PREB: variants seen among roughly 807,000 people sequenced by gnomAD.
PREB encodes guanine nucleotide-exchange factor SEC12.
Under a neutral mutation model 46.7 loss-of-function variants are expected in PREB, and 29 were observed. The ratio of observed to expected loss-of-function variants is 0.62; its 90% confidence interval spans 0.46 to 0.85. The LOEUF is 0.85. PREB is among the 40% of genes least tolerant of loss of function. The pLI, the probability that PREB is intolerant of heterozygous loss-of-function variation, is 0.00. For synonymous variants in PREB, 224 were observed against 220.1 expected (o/e 1.02, Z -0.16); for missense variants, 494 against 528.4 (o/e 0.93, Z 0.64).
In PREB at chr2:27,130,950, T is replaced by C; in HGVS notation, c.*464A>G. Reference sequence around the variant, plus strand: ...CCCAAGTCTTCCTTTTGCCCCTTCCTGCCCTAACAGCAAGTACCAGGCCAG... The same window carrying C: ...CCCAAGTCTTCCTTTTGCCCCTTCCCGCCCTAACAGCAAGTACCAGGCCAG... On this transcript the variant is annotated 3_prime_UTR_variant, in exon 9 of 9. Transcript: ENST00000260643. 1.6e-6 allele frequency: 1 copy of C among 628,626 alleles called. No homozygotes were observed. The highest frequency in any genetic ancestry group is 2.8e-5 in the East Asian group (1 of 35,700). 38.9% of individuals were successfully genotyped at this position (628,626 alleles called of 1,614,324 possible).
Position 27,134,505 on chromosome 2 carries a change from T to C in PREB, c.-84A>G. ...CTTCGACTACTGCCCCGGCGGCTGGTGAACTCGGCCCCGTCGCCGCCGGGA... is the reference window on the plus strand; with the variant it reads ...CTTCGACTACTGCCCCGGCGGCTGGCGAACTCGGCCCCGTCGCCGCCGGGA... On this transcript the variant is annotated 5_prime_UTR_variant, in exon 1 of 9. Transcript: ENST00000260643. The C allele has an allele frequency of 7.2e-7, 1 of 1,394,226 alleles. No homozygotes were observed. Among genetic ancestry groups the C allele is most frequent in the Non-Finnish European group, 9.2e-7 (1 of 1,083,404 alleles). 86.4% of individuals were successfully genotyped at this position (1,394,226 alleles called of 1,614,324 possible).
At position 27,133,520 on chromosome 2, in the gene PREB, G is replaced by A. The variant is rs1169152595; in HGVS notation, c.325+12C>T. 2 of 1,611,672 alleles carry A rather than the reference G, an allele frequency of 1.2e-6. No individual in the cohort carries two copies. Among genetic ancestry groups the A allele is most frequent in the East Asian group, 4.5e-5 (2 of 44,858 alleles). Reference sequence around the variant, plus strand: ...ACCCTTTCCCCAAGGGGGTAGAGAGGGAGCTCCTCACCGGCCTTCTCTGCC... The same window carrying A: ...ACCCTTTCCCCAAGGGGGTAGAGAGAGAGCTCCTCACCGGCCTTCTCTGCC... On this transcript the variant is annotated intron_variant, in intron 2 of 8. Coordinates refer to ENST00000260643, the MANE Select transcript of PREB (RefSeq NM_013388.6).
chr2:27,131,418 A>G lies in PREB; in HGVS notation c.1250T>C (p.Leu417Pro). The G allele has an allele frequency of 6.4e-7, 1 of 1,555,120 alleles. No individual in the cohort carries two copies. Among genetic ancestry groups the G allele is most frequent in the Non-Finnish European group, 8.7e-7 (1 of 1,148,462 alleles). Reference protein sequence around the residue: ...LLLQSAFPGFL With the variant: ...LLLQSAFPGFP Reference sequence around the variant, plus strand: ...GATTCCCAGGAAGCAGGGAAGCTAAAGGAAACCTGGAAAGGCACTCTGGAG... The same window carrying G: ...GATTCCCAGGAAGCAGGGAAGCTAAGGGAAACCTGGAAAGGCACTCTGGAG... Residue 417 changes from leucine to proline, a missense_variant, in exon 9 of 9, where the codon CTT (leucine) becomes CCT (proline). By Grantham distance (98) the Leu-to-Pro change is moderately conservative. Transcript: ENST00000260643.
In PREB at chr2:27,132,808, C is replaced by T. The variant is rs201190030; in HGVS notation, c.627+35G>A. The T allele has an allele frequency of 3.3e-5, 53 of 1,609,544 alleles. No homozygotes were observed. The East Asian group carries it at 6.9e-4, about 21-fold the overall frequency. On this transcript the variant is annotated intron_variant, in intron 4 of 8. Transcript: ENST00000260643. This position sits in a 1 kb window ranked among gnomAD's most constrained non-coding sequence, Gnocchi z 4.0. The stretch of plus-strand genomic sequence containing the variant: ...AAGCAGCATAAGCACCTCCTCTCTC[C>T]TTTCTCCATCCTCCTCCCACCCCCA...
In PREB at chr2:27,132,116, A is replaced by G. The variant is rs922072459; in HGVS notation, c.927-34T>C. On this transcript the variant is annotated intron_variant, in intron 6 of 8. Coordinates refer to ENST00000260643, the MANE Select transcript of PREB (RefSeq NM_013388.6). This position sits in a 1 kb window ranked among gnomAD's most constrained non-coding sequence, Gnocchi z 4.0. Reference sequence around the variant, plus strand: ...AACAATAAAGAGCTCATTGTCCTGGAGGCTTGTGCAGCAACCCTCATACCC... The same window carrying G: ...AACAATAAAGAGCTCATTGTCCTGGGGGCTTGTGCAGCAACCCTCATACCC... The G allele has an allele frequency of 3.1e-6, 5 of 1,611,618 alleles. No homozygotes were observed. The highest frequency in any genetic ancestry group is 1.7e-5 in the Admixed American group (1 of 59,996).
chr2:27,134,004 G>A, intron 1 of PREB: 1 of 607,730 alleles, frequency 1.6e-6, no homozygotes, highest in Non-Finnish European at 2.8e-6. Context: ...AAGACCTCCC[G>A]GAAAAGGCCA....
Position 27,134,174 on chromosome 2 carries a change from A to T in PREB, c.135+113T>A, listed in dbSNP as rs976299060. Reference sequence around the variant, plus strand: ...CGTCAGGCAAGCGGGTCTTCCCAACAGAAGTGGGCAGGGCCCGAAGCTGGA... The same window carrying T: ...CGTCAGGCAAGCGGGTCTTCCCAACTGAAGTGGGCAGGGCCCGAAGCTGGA... On this transcript the variant is annotated intron_variant, in intron 1 of 8. Coordinates refer to ENST00000260643, the MANE Select transcript of PREB (RefSeq NM_013388.6). The T allele has an allele frequency of 2.3e-6, 3 of 1,331,654 alleles. No individual in the cohort carries two copies. In the South Asian group the frequency reaches 4.6e-5, roughly 21 times the overall value. 82.5% of individuals were successfully genotyped at this position (1,331,654 alleles called of 1,614,324 possible).
chr2:27,133,098 T>TA lies in PREB; in HGVS notation c.546+18dup. ...TGTTGCTACTGACATTCACCCTCCC[T>TA]AACCCTGCAAACCCACACCTTCCAG... is the stretch of plus-strand genomic sequence containing the variant. On this transcript the variant is annotated intron_variant, in intron 3 of 8. Transcript: ENST00000260643. 3.1e-6 allele frequency: 5 copies of TA among 1,612,604 alleles called. No homozygotes were observed. The highest frequency in any genetic ancestry group is 4.2e-6 in the Non-Finnish European group (5 of 1,178,648).
chr2:27,131,194 C>T lies in PREB; in HGVS notation c.*220G>A. The stretch of plus-strand genomic sequence containing the variant: ...GGCCTGGGCTTCAGATACCGCTGTT[C>T]TGGATGGATCCACAGATGACGAAGG... On this transcript the variant is annotated 3_prime_UTR_variant, in exon 9 of 9. Coordinates refer to ENST00000260643, the MANE Select transcript of PREB (RefSeq NM_013388.6). 1 of 594,374 alleles carries T rather than the reference C, an allele frequency of 1.7e-6. No individual in the cohort carries two copies. Among genetic ancestry groups the T allele is most frequent in the Non-Finnish European group, 3.0e-6 (1 of 335,396 alleles). 36.8% of individuals were successfully genotyped at this position (594,374 alleles called of 1,614,324 possible).
Position 27,132,874 on chromosome 2 carries a change from A to G in PREB, c.596T>C (p.Ile199Thr), listed in dbSNP as rs1417382756. 5.6e-6 allele frequency: 9 copies of G among 1,613,964 alleles called. No individual in the cohort carries two copies. Among genetic ancestry groups the G allele is most frequent in the Non-Finnish European group, 7.6e-6 (9 of 1,180,014 alleles). The change falls in exon 4 of 9, where the codon ATT becomes ACT. Residue 199 changes from isoleucine to threonine, a missense_variant. Transcript: ENST00000260643. The surrounding 1 kb of genome is among the most constrained non-coding windows in gnomAD (Gnocchi z 4.0). ...VLEFKAHEGE[I>T]EDLALGPDGK... ...ATCAGGCCCTAAAGCCAGGTCTTCA[A>G]TCTCCCCTTCGTGGGCTTTGAACTC... is the stretch of plus-strand genomic sequence containing the variant.
At position 27,133,572 on chromosome 2, in the gene PREB, GA is replaced by G. The variant is rs1276160583; in HGVS notation, c.284del (p.Phe95SerfsTer43). ...TGTTGCCCTGCTGTTGATGTGCCTG[GA>G]AGCGCAGGAGCTGACAGTGGGCATC... ...GQDAHCQLLR[F>X]QAHQQQGNKA... On this transcript the variant is annotated frameshift_variant, in exon 2 of 9. Coordinates refer to ENST00000260643, the MANE Select transcript of PREB (RefSeq NM_013388.6). LOFTEE classifies it high-confidence loss of function. The G allele has an allele frequency of 6.2e-7, 1 of 1,614,126 alleles. No individual in the cohort carries two copies.
In PREB at chr2:27,132,619, G is replaced by A. The variant is rs111330078; in HGVS notation, c.736C>T (p.Arg246Cys). The A allele has an allele frequency of 1.4e-3, 2,228 of 1,614,042 alleles. 2 individuals carry two copies. Among genetic ancestry groups the A allele is most frequent in the Non-Finnish European group, 1.5e-3 (1,810 of 1,180,000 alleles). ...TCTTCACACCTGCAGGCCTGGTAGC[G>A]GTAAGGTGTGCTGGAAAAGGTGGGT... is the stretch of plus-strand genomic sequence containing the variant. The part of the protein sequence containing the change: ...NGPTFSSTPY[R>C]YQACRFGQVP... Residue 246 changes from arginine to cysteine, a missense_variant, in exon 5 of 9, where the codon CGC becomes TGC. Transcript: ENST00000260643. The surrounding 1 kb of genome is among the most constrained non-coding windows in gnomAD (Gnocchi z 4.0).
At position 27,134,451 on chromosome 2, in the gene PREB, C is replaced by A; in HGVS notation, c.-30G>T. On this transcript the variant is annotated 5_prime_UTR_variant, in exon 1 of 9. Coordinates refer to ENST00000260643, the MANE Select transcript of PREB (RefSeq NM_013388.6). ...CCCGGCGCGCGTTCACTGCCCGCAC[C>A]GCGGCACCCAGGACATGCCGCGCCG... is the stretch of plus-strand genomic sequence containing the variant. 1.3e-6 allele frequency: 2 copies of A among 1,513,366 alleles called. No individual in the cohort carries two copies. The highest frequency in any genetic ancestry group is 1.8e-6 in the Non-Finnish European group (2 of 1,138,536). 93.7% of individuals were successfully genotyped at this position (1,513,366 alleles called of 1,614,324 possible).
rs760945168 is a variant in PREB at position 27,133,531 on chromosome 2, C to A, written c.325+1G>T. The A allele has an allele frequency of 4.6e-5, 74 of 1,612,734 alleles. No individual in the cohort carries two copies. Among genetic ancestry groups the A allele is most frequent in the Non-Finnish European group, 6.1e-5 (72 of 1,179,104 alleles). On this transcript the variant is annotated splice_donor_variant, in intron 2 of 8. Transcript: ENST00000260643. LOFTEE classifies it high-confidence loss of function. Reference sequence around the variant, plus strand: ...AAGGGGGTAGAGAGGGAGCTCCTCACCGGCCTTCTCTGCCTTGTTGCCCTG... The same window carrying A: ...AAGGGGGTAGAGAGGGAGCTCCTCAACGGCCTTCTCTGCCTTGTTGCCCTG...
Position 27,130,859 on chromosome 2 carries a change from C to G in PREB, c.*555G>C. 8.1e-7 allele frequency: 1 copy of G among 1,238,514 alleles called. No homozygotes were observed. 76.7% of individuals were successfully genotyped at this position (1,238,514 alleles called of 1,614,324 possible). A position where few individuals can be genotyped will look rare whatever the true frequency, so the allele number is the denominator to read the frequency against. ...ATTCCTCAAGGTAAGGGTAGACTAC[C>G]TAGGAACTTATTGCATCTTTAGGCC... On this transcript the variant is annotated 3_prime_UTR_variant, in exon 9 of 9. Transcript: ENST00000260643.
intron 7 of PREB, 64 bp from the exon 8 acceptor site, chr2:27,131,895 G>A: frequency 1.3e-6 from 2 of 1,597,352 alleles, no homozygotes; most frequent in Non-Finnish European, 1.7e-6. Flanking sequence ...TGGAAAGCAT[G>A]TTCCCCACCC....
At chr2:27,133,391 C>A in intron 2 of PREB, 54 bp from the exon 3 acceptor site, 1 of 1,605,490 alleles carries the variant, frequency 6.2e-7, no homozygotes, top group Non-Finnish European at 8.5e-7. Context: ...GGAGTACTGG[C>A]CCCTCTCTCC....
intron 1 of PREB, 128 bp downstream of exon 1, chr2:27,134,159 G>A: frequency 2.4e-6 from 3 of 1,257,620 alleles, no homozygotes; most frequent in East Asian, 5.4e-5. Flanking sequence ...CGTCAGGCAA[G>A]CGGGTCTTCC....
rs1384354711 is a variant in PREB, at chr2:27,132,231, T to C, written c.925A>G (p.Ser309Gly). 6.2e-7 allele frequency: 1 copy of C among 1,614,168 alleles called. No homozygotes were observed. The highest frequency in any genetic ancestry group is 1.7e-5 in the Admixed American group (1 of 60,024). The change falls in exon 6 of 9, where the codon AGT becomes GGT. Residue 309 changes from serine to glycine, a missense_variant and splice_region_variant. By Grantham distance (56) the Ser-to-Gly change is moderately conservative (BLOSUM62 0). Coordinates refer to ENST00000260643, the MANE Select transcript of PREB (RefSeq NM_013388.6). The surrounding 1 kb of genome is among the most constrained non-coding windows in gnomAD (Gnocchi z 4.0). ...AGCCAAGGCAGCAATGTCTCACACCTGACATCGAGGCAGGAGACGACTTCA... is the reference window on the plus strand; with the variant it reads ...AGCCAAGGCAGCAATGTCTCACACCCGACATCGAGGCAGGAGACGACTTCA... ...GHEVVSCLDV[S>G]ESGTFLGLGT... is the part of the protein sequence containing the mutation.
Sources: gnomAD v4.1 joint callset for allele counts on GRCh38, gnomAD v4.1.1 for gene constraint, Gnocchi (gnomAD v3.1) non-coding constraint, MANE v1.5 for transcripts, NCBI Gene and HGNC (gene_info 2026-07-23, HGNC 2026-07-21) for gene names.